KLHL13: variants seen among roughly 807,000 people sequenced by gnomAD.
The protein encoded by KLHL13 is kelch-like protein 13.
In KLHL13, 10 loss-of-function variants were observed where a neutral mutation model predicts 37.1. The observed-to-expected ratio is 0.27, with a 90% CI of 0.17 to 0.46. KLHL13 has a LOEUF of 0.46. KLHL13 is among the 20% of genes least tolerant of loss of function. KLHL13 has a pLI of 1.00. For synonymous variants in KLHL13, 163 were observed against 181.2 expected (o/e 0.90, Z 0.81); for missense variants, 360 against 509.3 (o/e 0.71, Z 2.82).
intron 1 of KLHL13, among the ~76,000 whole-genome samples, chrX:118,087,030 A>C (rs2148140434): frequency 8.9e-6 from 1 of 111,750 alleles, no homozygotes; most frequent in South Asian, 3.7e-4. Flanking sequence ...ATACTCTAAA[A>C]ATTGGAAAAT....
intron 1 of KLHL13, among the ~76,000 whole-genome samples, chrX:118,066,586 C>A (rs1028595965): frequency 2.6e-4 from 29 of 111,161 alleles, no homozygotes; most frequent in African/African-American, 8.8e-4. Flanking sequence ...TTAGGTTAGG[C>A]AAAGATCTTG....
intron 1 of KLHL13, among the ~76,000 whole-genome samples, chrX:118,035,301 T>G (rs1191220414): frequency 2.9e-5 from 3 of 102,763 alleles, no homozygotes; most frequent in Non-Finnish European, 5.8e-5. Flanking sequence ...AAAGAGAATT[T>G]TAGACCAATA....
chrX:117,977,130 A>G (rs978400021), upstream of KLHL13, among the ~76,000 whole-genome samples: 3 of 111,918 alleles, frequency 2.7e-5, no homozygotes, highest in African/African-American at 9.7e-5. Flanking sequence ...CACACTCTAT[A>G]AATGTCTCAA....
At chrX:118,108,980 A>C (rs765364524) in intron 1 of KLHL13, among the ~76,000 whole-genome samples, 2 of 110,585 alleles carry the variant, frequency 1.8e-5, no homozygotes, top group East Asian at 2.9e-4. Context: ...CTAATTTTTA[A>C]ATTTTTTTTT....
At position 117,904,708 on chromosome X, in the gene KLHL13, CATTT is replaced by C. The variant is rs1323952566; in HGVS notation, c.1367-2766_1367-2763del. ...AGCTTTATTGGAGCACAGCCTCACTCATTTGTTTATGGATTATGTAGGGTTGCTT... is the reference window on the plus strand; with the variant it reads ...AGCTTTATTGGAGCACAGCCTCACTCGTTTATGGATTATGTAGGGTTGCTT... On this transcript the variant is annotated intron_variant, in intron 5 of 6. Transcript: ENST00000262820. Among the ~76,000 whole-genome samples the C allele has an allele frequency of 2.7e-5, 3 of 111,970 alleles. No homozygotes were observed. In the East Asian group the frequency reaches 8.4e-4, roughly 31 times the overall value.
intron 1 of KLHL13, among the ~76,000 whole-genome samples, chrX:118,015,448 A>G (rs2054117554): frequency 9.0e-6 from 1 of 111,470 alleles, no homozygotes. Context: ...GGGACTCAGA[A>G]AAAATTGAGA....
At chrX:117,914,916 G>A (rs1433588227) in intron 4 of KLHL13, among the ~76,000 whole-genome samples, 1 of 111,589 alleles carries the variant, frequency 9.0e-6, no homozygotes, top group Admixed American at 9.5e-5. Context: ...GGGTGCTCAA[G>A]GTTATAGGAG....
intron 1 of KLHL13, among the ~76,000 whole-genome samples, chrX:118,026,555 A>G (rs2054276678): frequency 8.9e-6 from 1 of 112,011 alleles, no homozygotes; most frequent in Admixed American, 9.5e-5. Flanking sequence ...ATGCTTTATG[A>G]AAAGTTTATG....
intron 1 of KLHL13, among the ~76,000 whole-genome samples, chrX:117,950,838 G>T (rs1933557241): frequency 8.9e-6 from 1 of 112,560 alleles, no homozygotes; most frequent in Admixed American, 9.4e-5. Context: ...GCTAGCAGCA[G>T]CATTTGCTAA....
chrX:117,952,470 T>A (rs1933669257), intron 1 of KLHL13, among the ~76,000 whole-genome samples: 1 of 104,763 alleles, frequency 9.5e-6, no homozygotes, highest in Non-Finnish European at 2.0e-5. Flanking sequence ...AACCTAGGCA[T>A]TACCATTCAG....
At chrX:118,030,726 C>T (rs1395414943) in intron 1 of KLHL13, among the ~76,000 whole-genome samples, 2 of 111,858 alleles carry the variant, frequency 1.8e-5, no homozygotes, top group African/African-American at 6.5e-5. Context: ...TGTGTTCTCT[C>T]TCTCCCTCTG....
chrX:118,017,137 TTCAGTAGATC>T (rs905496399), intron 1 of KLHL13, among the ~76,000 whole-genome samples: 4 of 111,510 alleles, frequency 3.6e-5, no homozygotes, highest in Non-Finnish European at 7.5e-5. Flanking sequence ...GTTTGTAAGC[TTCAGTAGATC>T]TCTGCAGTCT....
At chrX:118,038,035 A>C (rs988951363) in intron 1 of KLHL13, among the ~76,000 whole-genome samples, 1 of 112,476 alleles carries the variant, frequency 8.9e-6, no homozygotes, top group Non-Finnish European at 1.9e-5. Context: ...AGAATAAGGA[A>C]AAATATTGAA....
chrX:118,079,227 G>T (rs1009000961), intron 1 of KLHL13, among the ~76,000 whole-genome samples: 2 of 110,346 alleles, frequency 1.8e-5, no homozygotes, highest in African/African-American at 6.6e-5. Context: ...AAAAGATTCA[G>T]CCATCTCTAG....
At chrX:117,900,968 A>G (rs767460844) in intron 6 of KLHL13, among the ~76,000 whole-genome samples, 1 of 112,119 alleles carries the variant, frequency 8.9e-6, no homozygotes, top group African/African-American at 3.2e-5. Flanking sequence ...TTTGAGAATG[A>G]AAGTTGCTAC....
intron 1 of KLHL13, among the ~76,000 whole-genome samples, chrX:118,033,531 A>G (rs1318963367): frequency 9.0e-6 from 1 of 110,797 alleles, no homozygotes; most frequent in Non-Finnish European, 1.9e-5. Flanking sequence ...TTTACAGACA[A>G]GCAAATGCTG....
At chrX:118,026,725 C>T (rs2054278218) in intron 1 of KLHL13, among the ~76,000 whole-genome samples, 1 of 111,527 alleles carries the variant, frequency 9.0e-6, no homozygotes, top group Non-Finnish European at 1.9e-5. Flanking sequence ...AGAGGACCAG[C>T]GAATAACAGC....
intron 1 of KLHL13, among the ~76,000 whole-genome samples, chrX:118,046,818 G>A (rs1485217517): frequency 8.9e-6 from 1 of 111,796 alleles, no homozygotes; most frequent in Non-Finnish European, 1.9e-5. Flanking sequence ...TGAGAATTGT[G>A]AGATAAAAGC....
chrX:117,943,168 C>A (rs1048196765), intron 2 of KLHL13, among the ~76,000 whole-genome samples: 5 of 111,759 alleles, frequency 4.5e-5, no homozygotes, highest in African/African-American at 1.6e-4. Context: ...CTCTCTTCTG[C>A]CTTGTAGGGT....
Sources: allele counts gnomAD v4.1 joint callset (sites outside exome capture counted in the v4.1 genomes callset), GRCh38; gene constraint gnomAD v4.1.1; transcripts MANE v1.5; gene names NCBI Gene and HGNC (gene_info 2026-07-23, HGNC 2026-07-21).